ALKBH1: variants seen among roughly 807,000 people sequenced by gnomAD.
ALKBH1 encodes the protein nucleic acid dioxygenase ALKBH1.
In ALKBH1, 31 loss-of-function variants were observed where a neutral mutation model predicts 36.6. That is an observed-to-expected ratio of 0.85 (90% CI 0.64 to 1.14). The LOEUF is 1.14. Among genes scored for constraint, ALKBH1 ranks in the 50% most tolerant of loss-of-function variants. The pLI is 0.00. For missense variants in ALKBH1, 490 were observed against 497.3 expected (o/e 0.99, Z 0.14); for synonymous variants, 183 against 186.6 (o/e 0.98, Z 0.16).
At chr14:77,687,500 CTA>C (rs774040551) in intron 3 of ALKBH1, among the ~76,000 whole-genome samples, 2 of 151,840 alleles carry the variant, frequency 1.3e-5, no homozygotes, top group South Asian at 2.1e-4. Flanking sequence ...CTTCTACCCC[CTA>C]TCTTTCCTTC....
In ALKBH1 at chr14:77,673,789, A is replaced by T. The variant is rs2080189046; in HGVS notation, c.*23T>A. The T allele has an allele frequency of 6.3e-7, 1 of 1,596,112 alleles. No individual in the cohort carries two copies. The highest frequency in any genetic ancestry group is 8.5e-7 in the Non-Finnish European group (1 of 1,169,642). The stretch of plus-strand genomic sequence containing the variant: ...ATTTACGGTAAGCAGGTGCCTGAGT[A>T]AAAAGGATGGGATCTCCAAGTCTCA... On this transcript the variant is annotated 3_prime_UTR_variant, in exon 6 of 6. Coordinates refer to ENST00000216489, the MANE Select transcript of ALKBH1 (RefSeq NM_006020.3).
At chr14:77,706,846 T>C (rs2080395267) in intron 1 of ALKBH1, among the ~76,000 whole-genome samples, 1 of 152,184 alleles carries the variant, frequency 6.6e-6, no homozygotes, top group Admixed American at 6.5e-5. Flanking sequence ...AAGTATGCAA[T>C]CATTAACACT....
chr14:77,675,882 A>T (rs1396766706), intron 4 of ALKBH1, 33 bp from the exon 5 acceptor site: 1 of 1,541,942 alleles, frequency 6.5e-7, no homozygotes, highest in Non-Finnish European at 9.0e-7. Context: ...AAGAAAAATA[A>T]ACAATGATCT....
intron 3 of ALKBH1, among the ~76,000 whole-genome samples, chr14:77,687,191 C>T (rs746091630): frequency 3.3e-5 from 5 of 152,166 alleles, no homozygotes; most frequent in Admixed American, 3.3e-4. Flanking sequence ...TTCAACTTTC[C>T]TCCCCCACAC....
chr14:77,676,143 G>A (rs1336555228), intron 4 of ALKBH1, among the ~76,000 whole-genome samples: 5 of 144,218 alleles, frequency 3.5e-5, no homozygotes, highest in African/African-American at 5.1e-5. Context: ...CCACAGGTGC[G>A]TGCCACCATG....
intron 3 of ALKBH1, among the ~76,000 whole-genome samples, chr14:77,681,494 T>C (rs1286044309): frequency 6.6e-6 from 1 of 152,248 alleles, no homozygotes; most frequent in African/African-American, 2.4e-5. Flanking sequence ...GTTTACAGAA[T>C]AGATGCTATC....
At chr14:77,706,466 A>G (rs2080391576) in intron 1 of ALKBH1, among the ~76,000 whole-genome samples, 1 of 152,194 alleles carries the variant, frequency 6.6e-6, no homozygotes, top group African/African-American at 2.4e-5. Context: ...CTCCCTTGCC[A>G]GACTGTTAAC....
chr14:77,702,157 T>G (rs1175742788), intron 2 of ALKBH1, among the ~76,000 whole-genome samples: 2 of 151,926 alleles, frequency 1.3e-5, no homozygotes, highest in Non-Finnish European at 2.9e-5. Flanking sequence ...AAAAGTTAGC[T>G]GGGCGTGGTG....
intron 1 of ALKBH1, 129 bp downstream of exon 1, chr14:77,707,693 G>A: frequency 9.2e-7 from 1 of 1,085,714 alleles, no homozygotes; most frequent in Non-Finnish European, 1.3e-6. Context: ...CGACTCTGCA[G>A]CCAAAGGAGG....
intron 2 of ALKBH1, among the ~76,000 whole-genome samples, chr14:77,696,298 C>T (rs2139860358): frequency 6.6e-6 from 1 of 152,200 alleles, no homozygotes; most frequent in Non-Finnish European, 1.5e-5. Flanking sequence ...AAGTGATTCT[C>T]CTGCCTCAGT....
intron 4 of ALKBH1, among the ~76,000 whole-genome samples, chr14:77,678,744 C>G (rs1027745202): frequency 6.6e-6 from 1 of 152,072 alleles, no homozygotes; most frequent in East Asian, 1.9e-4. Flanking sequence ...AATCGTAGCT[C>G]AAGAAAACAC....
intron 2 of ALKBH1, among the ~76,000 whole-genome samples, chr14:77,699,581 AG>A: frequency 6.6e-6 from 1 of 152,294 alleles, no homozygotes; most frequent in South Asian, 2.1e-4. Context: ...AGAATTTCAG[AG>A]GGGTAACATG....
intron 3 of ALKBH1, among the ~76,000 whole-genome samples, chr14:77,686,340 CCAATA>C (rs2080268126): frequency 6.6e-6 from 1 of 152,166 alleles, no homozygotes; most frequent in Admixed American, 6.5e-5. Flanking sequence ...AGGATCAGTA[CCAATA>C]CAACTCTCAC....
chr14:77,679,253 T>TA (rs527446912), intron 4 of ALKBH1, among the ~76,000 whole-genome samples: 2 of 151,372 alleles, frequency 1.3e-5, no homozygotes, highest in East Asian at 1.9e-4. Context: ...CAATAAAAAT[T>TA]AAAAAAAAGA....
At chr14:77,684,010 T>C (rs780587382) in intron 3 of ALKBH1, 2 of 152,592 alleles carry the variant, frequency 1.3e-5, no homozygotes, top group Non-Finnish European at 2.9e-5. Flanking sequence ...TACTGGAAGA[T>C]GGCAGTTCCA....
chr14:77,699,815 G>C (rs2080348822), intron 2 of ALKBH1, among the ~76,000 whole-genome samples: 1 of 152,124 alleles, frequency 6.6e-6, no homozygotes, highest in South Asian at 2.1e-4. Flanking sequence ...CAGCACTTTG[G>C]GAGGCAAGGA....
chr14:77,679,789 G>T (rs1474396432), intron 4 of ALKBH1, 91 bp downstream of exon 4: 1 of 957,840 alleles, frequency 1.0e-6, no homozygotes, highest in Non-Finnish European at 1.6e-6. Context: ...GTATAATCTT[G>T]ATATCTTAAG....
chr14:77,701,048 T>C (rs980744670), intron 2 of ALKBH1, among the ~76,000 whole-genome samples: 1 of 152,124 alleles, frequency 6.6e-6, no homozygotes, highest in Admixed American at 6.5e-5. Context: ...TGAAGCGTGA[T>C]TGTGCTACTG....
chr14:77,689,980 C>T (rs537405871), intron 3 of ALKBH1, among the ~76,000 whole-genome samples: 28 of 152,188 alleles, frequency 1.8e-4, no homozygotes, highest in Non-Finnish European at 3.5e-4. Flanking sequence ...CATAGCAAGA[C>T]ACCATCTCTA....
Sources: allele counts gnomAD v4.1 joint callset (sites outside exome capture counted in the v4.1 genomes callset), GRCh38; gene constraint gnomAD v4.1.1; transcripts MANE v1.5; gene names NCBI Gene and HGNC (gene_info 2026-07-23, HGNC 2026-07-21).